Variants in AIDA observed in about 807,000 individuals in gnomAD.
AIDA encodes axin interactor, dorsalization-associated protein.
A neutral mutation model predicts 42.7 loss-of-function variants in AIDA; 18 were observed. That is an observed-to-expected ratio of 0.42 (90% CI 0.29 to 0.63). The LOEUF is 0.63. Ranked by LOEUF, AIDA falls within the 20% of genes least tolerant of loss-of-function variation. The pLI, the probability that AIDA is intolerant of heterozygous loss-of-function variation, is 0.19. For synonymous variants in AIDA, 104 were observed against 122.9 expected (o/e 0.85, Z 1.02); for missense variants, 250 against 354.1 (o/e 0.71, Z 2.36).
At chr1:222,706,693 ACCCTGTCT>A (rs1309989903) in intron 1 of AIDA, among the ~76,000 whole-genome samples, 1 of 151,938 alleles carries the variant, frequency 6.6e-6, no homozygotes, top group Non-Finnish European at 1.5e-5. Flanking sequence ...ACATGGTGAA[ACCCTGTCT>A]CTACAAAAAA....
intron 4 of AIDA, among the ~76,000 whole-genome samples, chr1:222,693,267 T>C (rs1655419559): frequency 6.6e-6 from 1 of 152,182 alleles, no homozygotes; most frequent in Non-Finnish European, 1.5e-5. Context: ...CATTTGCCCA[T>C]ATTGCAAAGA....
intron 6 of AIDA, among the ~76,000 whole-genome samples, chr1:222,683,304 C>T (rs1284864222): frequency 6.6e-6 from 1 of 152,158 alleles, no homozygotes; most frequent in Non-Finnish European, 1.5e-5. Context: ...CACAGGAAAG[C>T]AATGAACATT....
chr1:222,683,317 C>T (rs1449351193), intron 6 of AIDA, among the ~76,000 whole-genome samples: 2 of 152,146 alleles, frequency 1.3e-5, no homozygotes, highest in African/African-American at 4.8e-5. Flanking sequence ...TGAACATTTG[C>T]TGCAGTTTTT....
intron 2 of AIDA, among the ~76,000 whole-genome samples, chr1:222,694,533 T>C (rs1655461307): frequency 6.6e-6 from 1 of 152,210 alleles, no homozygotes; most frequent in Non-Finnish European, 1.5e-5. Context: ...GTAGATATGA[T>C]TTAAAGGGCT....
rs551152923 is a variant in AIDA, at chr1:222,683,620, C to A, written c.460+3310G>T. ...GGATCATGTTACTTAGTAAGAAAAT[C>A]TTTTTAAAAGTCTTGTGTAAAGTTG... is the stretch of plus-strand genomic sequence containing the variant. On this transcript the variant is annotated intron_variant, in intron 6 of 9. Coordinates refer to ENST00000340020, the MANE Select transcript of AIDA (RefSeq NM_022831.4). 2.6e-5 allele frequency among the ~76,000 whole-genome samples: 4 copies of A among 152,250 alleles called. No individual in the cohort carries two copies. In the South Asian group the frequency reaches 8.3e-4, roughly 31 times the overall value.
At position 222,691,093 on chromosome 1, in the gene AIDA, G is replaced by A. The variant is rs536294498; in HGVS notation, c.289+2696C>T. On this transcript the variant is annotated intron_variant, in intron 4 of 9. Coordinates refer to ENST00000340020, the MANE Select transcript of AIDA (RefSeq NM_022831.4). ...GAGAAGAGGGAAAACTTTAGCTAAG[G>A]TAGACAGGGTAAGCCTTTCAAAACC... is the stretch of plus-strand genomic sequence containing the variant. Among the ~76,000 whole-genome samples, 4 of 152,288 alleles carry A rather than the reference G, an allele frequency of 2.6e-5. No individual in the cohort carries two copies. In the South Asian group the frequency reaches 8.3e-4, roughly 32 times the overall value.
intron 4 of AIDA, among the ~76,000 whole-genome samples, chr1:222,688,590 T>TA (rs1316301136): frequency 6.6e-6 from 1 of 151,462 alleles, no homozygotes; most frequent in Admixed American, 6.6e-5. Context: ...TTCTACTTAC[T>TA]AAAAAAAAGT....
intron 6 of AIDA, among the ~76,000 whole-genome samples, chr1:222,681,580 T>C (rs552170718): frequency 3.3e-5 from 5 of 152,276 alleles, no homozygotes; most frequent in African/African-American, 1.2e-4. Context: ...GGAGAATTGC[T>C]TGAACCAGGG....
chr1:222,690,011 C>G (rs577055393), intron 4 of AIDA, among the ~76,000 whole-genome samples: 2 of 152,238 alleles, frequency 1.3e-5, no homozygotes, highest in East Asian at 1.9e-4. Context: ...AAACTTACCA[C>G]TGTGTTACAA....
chr1:222,712,331 C>A lies in AIDA; in HGVS notation c.-14G>T. The A allele has an allele frequency of 6.5e-7, 1 of 1,534,180 alleles. No homozygotes were observed. Among genetic ancestry groups the A allele is most frequent in the Non-Finnish European group, 8.8e-7 (1 of 1,138,630 alleles). ...CACCTCCGACATGGCCGGTCCCCAC[C>A]CCGTCCCCTCCCGCCCCTACCCCAG... On this transcript the variant is annotated 5_prime_UTR_variant, in exon 1 of 10. Transcript: ENST00000340020.
intron 2 of AIDA, among the ~76,000 whole-genome samples, chr1:222,699,695 T>C (rs956119194): frequency 1.5e-4 from 23 of 152,196 alleles, no homozygotes; most frequent in East Asian, 1.2e-3. Context: ...CTATGTGACA[T>C]TGAAATAAGG....
At chr1:222,682,676 T>C (rs1664674571) in intron 6 of AIDA, among the ~76,000 whole-genome samples, 1 of 152,214 alleles carries the variant, frequency 6.6e-6, no homozygotes, top group East Asian at 1.9e-4. Flanking sequence ...ATCTGGTACA[T>C]ATCTGATTTT....
chr1:222,691,541 G>C (rs184739213), intron 4 of AIDA, among the ~76,000 whole-genome samples: 1 of 151,816 alleles, frequency 6.6e-6, no homozygotes, highest in African/African-American at 2.4e-5. Context: ...CTATTTAGCC[G>C]ACTAGAATCC....
At chr1:222,693,891 C>T (rs771106788) in intron 3 of AIDA, 48 bp from the exon 4 acceptor site, 101 of 1,411,326 alleles carry the variant, frequency 7.2e-5, no homozygotes, top group Non-Finnish European at 9.7e-5. Flanking sequence ...AAGGATTTCA[C>T]TGCACCCTGT....
intron 7 of AIDA, among the ~76,000 whole-genome samples, chr1:222,673,709 C>T (rs553594070): frequency 1.8e-4 from 28 of 151,800 alleles, no homozygotes; most frequent in African/African-American, 6.3e-4. Flanking sequence ...ACCCAGGAGG[C>T]GGAGCTTGCA....
chr1:222,683,473 A>G (rs1334692588), intron 6 of AIDA, among the ~76,000 whole-genome samples: 2 of 152,210 alleles, frequency 1.3e-5, no homozygotes, highest in Non-Finnish European at 2.9e-5. Context: ...TTAAATAGGT[A>G]AATTTCATTC....
rs73124860 is a variant in AIDA, at chr1:222,680,593, A to G, written c.461-4375T>C. ...CATTTAATGATGAGACCTACTTATT[A>G]ATATGGTTGTACCTGGATGGATAAT... On this transcript the variant is annotated intron_variant, in intron 6 of 9. Coordinates refer to ENST00000340020, the MANE Select transcript of AIDA (RefSeq NM_022831.4). Among the ~76,000 whole-genome samples, 713 of 152,302 alleles carry G rather than the reference A, an allele frequency of 4.7e-3. 4 individuals carry two copies. Among genetic ancestry groups the G allele is most frequent in the African/African-American group, 0.016 (676 of 41,558 alleles).
At position 222,670,304 on chromosome 1, in the gene AIDA, CAATT is replaced by C. The variant is rs1268856795; in HGVS notation, c.707-58_707-55del. On this transcript the variant is annotated intron_variant, in intron 8 of 9. Transcript: ENST00000340020. ...CACAGATAGCACATTTCTTGTGTGT[CAATT>C]AATTTTCTTTGATCACCAGAAGCAT... 7.0e-6 allele frequency: 10 copies of C among 1,431,118 alleles called. No homozygotes were observed. The East Asian group carries it at 1.4e-4, about 20-fold the overall frequency. The allele number at this position is 1,431,118 out of a possible 1,614,324, so 88.7% of individuals were successfully genotyped here.
rs755209531 is a variant in AIDA, at chr1:222,693,877, C to T, written c.235-34G>A. On this transcript the variant is annotated intron_variant, in intron 3 of 9. Coordinates refer to ENST00000340020, the MANE Select transcript of AIDA (RefSeq NM_022831.4). ...AAAATAAGCATATTACATCTTTTCA[C>T]TACAAGGATTTCACTGCACCCTGTC... 38 of 1,525,478 alleles carry T rather than the reference C, an allele frequency of 2.5e-5. No homozygotes were observed. The East Asian group carries it at 8.6e-4, about 34-fold the overall frequency. The allele number at this position is 1,525,478 out of a possible 1,614,324, so 94.5% of individuals were successfully genotyped here. A position where few individuals can be genotyped will look rare whatever the true frequency, so the allele number is the denominator to read the frequency against.
Sources: allele counts gnomAD v4.1 joint callset (sites outside exome capture counted in the v4.1 genomes callset), GRCh38; gene constraint gnomAD v4.1.1; transcripts MANE v1.5; gene names NCBI Gene and HGNC (gene_info 2026-07-23, HGNC 2026-07-21).